The following LY75 variants were observed in gnomAD, a reference collection of about 807,000 sequenced individuals.
The protein encoded by LY75 is C-type lectin domain family 13 member B.
LY75 carries 185 observed loss-of-function variants against 231.7 expected under a neutral mutation model. The observed-to-expected ratio is 0.80, with a 90% CI of 0.71 to 0.90. The LOEUF (loss-of-function observed/expected upper bound fraction) is 0.90. Among genes scored for constraint, LY75 ranks in the 40% least tolerant of loss-of-function variants. The pLI is 0.00. For synonymous variants in LY75, 668 were observed against 689.0 expected (o/e 0.97, Z 0.48); for missense variants, 1,947 against 2,050.2 (o/e 0.95, Z 0.97).
At chr2:159,875,384 A>C (rs1358107581) in intron 12 of LY75, 60 bp downstream of exon 12, 4 of 1,575,732 alleles carry the variant, frequency 2.5e-6, no homozygotes, top group Non-Finnish European at 3.4e-6. Context: ...GTACAAGGAC[A>C]TGAACAAGGG....
At chr2:159,846,223 A>G (rs560402897) in intron 23 of LY75, among the ~76,000 whole-genome samples, 33 of 152,204 alleles carry the variant, frequency 2.2e-4, no homozygotes, top group Admixed American at 2.0e-3. Context: ...AGGGGAAAAA[A>G]AAAACACACA....
Position 159,850,449 on chromosome 2 carries a change from G to A in LY75, c.2902C>T (p.Pro968Ser). 6.2e-7 allele frequency: 1 copy of A among 1,613,518 alleles called. No individual in the cohort carries two copies. ...FQNKCFLKIK[P>S]VSLTFSQASD... ...GCTTGAGAAAATGTGAGAGACACGG[G>A]TTTGATCTTTAGAAAACACTGCAAA... The change falls in exon 22 of 35, where the codon CCC (proline) becomes TCC (serine). Residue 968 changes from proline to serine, a missense_variant. Physicochemically the swap from Pro to Ser is moderately conservative, Grantham distance 74. Transcript: ENST00000263636.
chr2:159,899,129 A>C, intron 1 of LY75, 70 bp from the exon 2 acceptor site: 2 of 1,557,964 alleles, frequency 1.3e-6, no homozygotes, highest in Non-Finnish European at 1.7e-6. Context: ...TGCTGAGGAG[A>C]GTCTGAGCAC....
rs10671183 is a variant in LY75 at position 159,840,005 on chromosome 2, CA to C, written c.3507+723del. On this transcript the variant is annotated intron_variant, in intron 25 of 34. Coordinates refer to ENST00000263636, the MANE Select transcript of LY75 (RefSeq NM_002349.4). Reference sequence around the variant, plus strand: ...TGGGTGACAGAACAAGAACCTGTCTCAAAAAAAAAAAAAAGAAAAAGAAAAA... The same window carrying C: ...TGGGTGACAGAACAAGAACCTGTCTCAAAAAAAAAAAAAGAAAAAGAAAAA... Among the ~76,000 whole-genome samples the C allele has an allele frequency of 1.1e-3, 63 of 58,906 alleles. 2 individuals are homozygous for C. Among genetic ancestry groups the C allele is most frequent in the East Asian group, 0.01 (25 of 2,388 alleles). 38.6% of individuals were successfully genotyped at this position (58,906 alleles called of 152,430 possible).
chr2:159,873,150 GAAGA>G (rs1435775242), intron 12 of LY75, among the ~76,000 whole-genome samples: 2 of 151,918 alleles, frequency 1.3e-5, no homozygotes, highest in East Asian at 1.9e-4. Context: ...GAAGAAGAAA[GAAGA>G]AAGAAGAAAG....
chr2:159,874,794 AAT>A (rs1239820401), intron 12 of LY75, among the ~76,000 whole-genome samples: 2 of 103,454 alleles, frequency 1.9e-5, no homozygotes, highest in African/African-American at 7.5e-5. Context: ...AATATATGTA[AAT>A]ATATATATTT....
intron 25 of LY75, among the ~76,000 whole-genome samples, chr2:159,838,363 T>C (rs1411588260): frequency 1.3e-5 from 2 of 152,026 alleles, no homozygotes; most frequent in African/African-American, 4.8e-5. Flanking sequence ...AGGTTGAAAA[T>C]AGGATAAGAA....
chr2:159,878,255 CA>C lies in LY75; in HGVS notation c.1774+68del, dbSNP rs562930292. 2.8e-3 allele frequency: 4,308 copies of C among 1,541,542 alleles called. 8 individuals carry two copies. Among genetic ancestry groups the C allele is most frequent in the Non-Finnish European group, 3.3e-3 (3,753 of 1,145,940 alleles). ...TCACATTTCAAAAGTAAGTGAGGAACATCTTTGGGAGGAGTGCTGCCTTTCA... is the reference window on the plus strand; with the variant it reads ...TCACATTTCAAAAGTAAGTGAGGAACTCTTTGGGAGGAGTGCTGCCTTTCA... On this transcript the variant is annotated intron_variant, in intron 11 of 34. Transcript: ENST00000263636.
At chr2:159,826,011 CA>C (rs1171241300) in intron 28 of LY75, among the ~76,000 whole-genome samples, 2 of 152,102 alleles carry the variant, frequency 1.3e-5, no homozygotes, top group Non-Finnish European at 2.9e-5. Flanking sequence ...ACTGAATGGG[CA>C]AAAACTGGAA....
rs1321989956 is a variant in LY75, at chr2:159,807,069, C to A, written c.4894G>T (p.Val1632Phe). The stretch of plus-strand genomic sequence containing the variant: ...GCTATCAACATGCTACATCTTCCAA[C>A]ACCACTCTTACTTTTATTTTCCCAT... ...VKWENKSKSGVGRCSMLIASN... is the reference protein window; with the variant it reads ...VKWENKSKSGFGRCSMLIASN... Residue 1632 changes from valine to phenylalanine, a missense_variant, in exon 34 of 35, where the codon GTT becomes TTT. Coordinates refer to ENST00000263636, the MANE Select transcript of LY75 (RefSeq NM_002349.4). 6.2e-7 allele frequency: 1 copy of A among 1,613,818 alleles called. No individual in the cohort carries two copies. Among genetic ancestry groups the A allele is most frequent in the Non-Finnish European group, 8.5e-7 (1 of 1,179,934 alleles).
At chr2:159,815,682 T>C in intron 30 of LY75, 109 bp from the exon 31 acceptor site, 1 of 1,338,394 alleles carries the variant, frequency 7.5e-7, no homozygotes, top group African/African-American at 1.5e-5. Flanking sequence ...TATTAATTAT[T>C]TGCTTACAGT....
intron 28 of LY75, among the ~76,000 whole-genome samples, 195 bp downstream of exon 28, chr2:159,831,475 C>T (rs1574538502): frequency 6.6e-6 from 1 of 152,128 alleles, no homozygotes; most frequent in East Asian, 1.9e-4. Context: ...TATTTTCCGC[C>T]ATTTAACTTT....
chr2:159,850,132 T>C lies in LY75; in HGVS notation c.2998A>G (p.Thr1000Ala), dbSNP rs993850168. Reference protein sequence around the residue: ...VLSQIEQDFITSLLPDMEATL... With the variant: ...VLSQIEQDFIASLLPDMEATL... ...GCTTCCATATCCGGAAGCAAGGATG[T>C]AATAAAGTCTGTTAGAAAGAGATTT... The change falls in exon 23 of 35, where the codon ACA becomes GCA. Residue 1000 changes from threonine (T) to alanine (A), a missense_variant. Physicochemically the swap from Thr to Ala is moderately conservative, Grantham distance 58. Coordinates refer to ENST00000263636, the MANE Select transcript of LY75 (RefSeq NM_002349.4). 2.5e-6 allele frequency: 4 copies of C among 1,604,116 alleles called. No homozygotes were observed. The highest frequency in any genetic ancestry group is 3.4e-6 in the Non-Finnish European group (4 of 1,177,662).
rs770062187 is a variant in LY75 at position 159,875,562 on chromosome 2, G to A, written c.1856C>T (p.Ala619Val). Reference protein sequence around the residue: ...WEVKDCRSFKALSICKKMSGP... With the variant: ...WEVKDCRSFKVLSICKKMSGP... ...ACTCATTTTCTTGCAAATTGAAAGTGCTTTGAAGCTTCTGCAGTCCTTCAC... is the reference window on the plus strand; with the variant it reads ...ACTCATTTTCTTGCAAATTGAAAGTACTTTGAAGCTTCTGCAGTCCTTCAC... Residue 619 changes from alanine (A) to valine (V), a missense_variant, in exon 12 of 35, where the codon GCA becomes GTA. Physicochemically the swap from Ala to Val is moderately conservative, Grantham distance 64 (BLOSUM62 0). Transcript: ENST00000263636. 6.2e-7 allele frequency: 1 copy of A among 1,614,084 alleles called. No individual in the cohort carries two copies. Among genetic ancestry groups the A allele is most frequent in the Admixed American group, 1.7e-5 (1 of 60,002 alleles).
At chr2:159,840,594 A>T (rs140729603) in intron 25 of LY75, 135 bp downstream of exon 25, 15,806 of 1,361,728 alleles carry the variant, frequency 0.012, 114 homozygotes, top group Admixed American at 0.032. Flanking sequence ...AAAAACCCCG[A>T]CATATTCCAT....
At chr2:159,890,442 C>A (rs988378821) in intron 3 of LY75, 65 bp from the exon 4 acceptor site, 17 of 1,596,600 alleles carry the variant, frequency 1.1e-5, no homozygotes, top group Non-Finnish European at 1.4e-5. Context: ...ACTTAGAATG[C>A]TTAGAAATAC....
intron 31 of LY75, among the ~76,000 whole-genome samples, chr2:159,812,921 T>C (rs1470755524): frequency 2.0e-5 from 3 of 152,252 alleles, no homozygotes; most frequent in African/African-American, 7.2e-5. Context: ...CTCTGGGTAC[T>C]ACCTCATATA....
chr2:159,886,620 G>T (rs778219856), intron 4 of LY75, 90 bp from the exon 5 acceptor site: 69 of 1,296,700 alleles, frequency 5.3e-5, no homozygotes, highest in Non-Finnish European at 7.0e-5. Context: ...AAACAAATCT[G>T]CAGACCTTGA....
In LY75 at chr2:159,878,629, A is replaced by G. The variant is rs1450540147; in HGVS notation, c.1604+4T>C. ...TATGAGTACAAGTTTACTGATGGTC[A>G]CACCTGCTAGTGATAGTCAGATTGC... On this transcript the variant is annotated splice_donor_region_variant and intron_variant, in intron 10 of 34. Transcript: ENST00000263636. The G allele has an allele frequency of 6.2e-7, 1 of 1,613,884 alleles. No homozygotes were observed. The highest frequency in any genetic ancestry group is 8.5e-7 in the Non-Finnish European group (1 of 1,179,954).
Sources: allele counts gnomAD v4.1 joint callset (sites outside exome capture counted in the v4.1 genomes callset), GRCh38; gene constraint gnomAD v4.1.1; transcripts MANE v1.5; gene names NCBI Gene and HGNC (gene_info 2026-07-23, HGNC 2026-07-21).